Variants in POLN observed in about 807,000 individuals in gnomAD.
The protein encoded by POLN is DNA polymerase N.
A neutral mutation model predicts 113.5 loss-of-function variants in POLN; 108 were observed. The ratio of observed to expected loss-of-function variants is 0.95; its 90% CI spans 0.81 to 1.12. The LOEUF (loss-of-function observed/expected upper bound fraction) is 1.12. Among genes scored for constraint, POLN ranks in the 50% most tolerant of loss-of-function variants. The probability of loss-of-function intolerance (pLI) is 0.00; values close to 1 mark genes in which losing one functional copy is unlikely to be tolerated. For missense variants in POLN, 1,097 were observed against 1,077.1 expected, an observed-to-expected ratio of 1.02 and a Z score of -0.26; for synonymous variants, 386 against 391.5, an observed-to-expected ratio of 0.99 and a Z score of 0.17.
At chr4:2,195,244 C>T (rs1168182710) in intron 6 of POLN, among the ~76,000 whole-genome samples, 1 of 151,882 alleles carries the variant, frequency 6.6e-6, no homozygotes, top group Admixed American at 6.6e-5. Flanking sequence ...ATTTGATTGT[C>T]CTAGAACTTA....
At chr4:2,189,101 A>G (rs974921057) in intron 7 of POLN, among the ~76,000 whole-genome samples, 1 of 152,258 alleles carries the variant, frequency 6.6e-6, no homozygotes, top group Non-Finnish European at 1.5e-5. Flanking sequence ...ACAAAAAGCT[A>G]CAAATTAAAA....
intron 3 of POLN, among the ~76,000 whole-genome samples, chr4:2,215,384 A>C (rs6848713): frequency 0.17 from 26,221 of 152,072 alleles, 3,903 homozygotes; most frequent in African/African-American, 0.39. Context: ...TCTGTGATGA[A>C]GGTTTGCATT....
At chr4:2,115,297 A>G (rs376610748) in intron 19 of POLN, among the ~76,000 whole-genome samples, 2 of 149,804 alleles carry the variant, frequency 1.3e-5, no homozygotes, top group East Asian at 3.9e-4. Context: ...CGAACTCCTA[A>G]CCTCAAGTGA....
chr4:2,138,027 C>T (rs1034561551), intron 16 of POLN, among the ~76,000 whole-genome samples: 7 of 152,090 alleles, frequency 4.6e-5, no homozygotes, highest in African/African-American at 1.7e-4. Context: ...TTGGTACAGA[C>T]AAGGTTTCAT....
At chr4:2,200,407 A>G (rs886264507) in intron 5 of POLN, among the ~76,000 whole-genome samples, 16 of 152,230 alleles carry the variant, frequency 1.1e-4, no homozygotes, top group Admixed American at 4.6e-4. Context: ...AATGACTACA[A>G]GAATAAATCA....
intron 2 of POLN, chr4:2,236,256 C>T (rs996048811): frequency 3.1e-6 from 5 of 1,611,512 alleles, no homozygotes; most frequent in Non-Finnish European, 3.4e-6. Flanking sequence ...CTGATTTCCT[C>T]CTTGATACAA....
chr4:2,089,811 T>A (rs1283588746), intron 20 of POLN: 1 of 818,640 alleles, frequency 1.2e-6, no homozygotes, highest in Admixed American at 2.3e-5. Flanking sequence ...CACATTCAGA[T>A]GGATGAAGTC....
intron 16 of POLN, among the ~76,000 whole-genome samples, chr4:2,153,350 G>A (rs1355194161): frequency 3.9e-5 from 6 of 152,184 alleles, no homozygotes; most frequent in Non-Finnish European, 5.9e-5. Context: ...CACTGGGATT[G>A]AGGGTGGAGG....
chr4:2,108,770 T>C (rs1731127235), intron 19 of POLN, among the ~76,000 whole-genome samples: 1 of 152,120 alleles, frequency 6.6e-6, no homozygotes. Context: ...CCCCAGACAG[T>C]GCCAGAAGTT....
intron 3 of POLN, among the ~76,000 whole-genome samples, chr4:2,219,732 T>C (rs932885504): frequency 2.0e-5 from 3 of 152,176 alleles, no homozygotes; most frequent in Admixed American, 6.5e-5. Context: ...CATTCTAGCA[T>C]GTCCACCTCT....
chr4:2,230,752 A>T lies in POLN; in HGVS notation c.-12-1509T>A, dbSNP rs138874621. ...TACGAACAGGTGAGGAATATTCTTA[A>T]AGGTATTCCTACAAAGCTCACATGG... On this transcript the variant is annotated intron_variant, in intron 2 of 25. Transcript: ENST00000511885. The T allele has an allele frequency of 2.1e-3, 313 of 152,198 alleles. 1 individual carries two copies. Among genetic ancestry groups the T allele is most frequent in the African/African-American group, 7.2e-3 (298 of 41,520 alleles). The allele number at this position is 152,198 out of a possible 1,614,324, so 9.4% of individuals were successfully genotyped here. A position where few individuals can be genotyped will look rare whatever the true frequency, so the allele number is the denominator to read the frequency against.
At chr4:2,079,447 G>A (rs561110594) in intron 23 of POLN, 19 of 985,544 alleles carry the variant, frequency 1.9e-5, no homozygotes, top group African/African-American at 5.2e-5. Context: ...GTGTATATGC[G>A]TATATGTGTG....
intron 2 of POLN, chr4:2,236,418 T>TC (rs747137097): frequency 6.2e-7 from 1 of 1,613,224 alleles, no homozygotes; most frequent in South Asian, 1.1e-5. Flanking sequence ...TAGAAACAAT[T>TC]CTTTTTTCTT....
At chr4:2,112,340 T>A (rs1027799836) in intron 19 of POLN, among the ~76,000 whole-genome samples, 9 of 152,140 alleles carry the variant, frequency 5.9e-5, no homozygotes, top group African/African-American at 2.2e-4. Context: ...GGACTTCATG[T>A]CTAAAACACC....
rs1189506042 is a variant in POLN, at chr4:2,072,256, T to C, written c.2561A>G (p.His854Arg). The change falls in exon 26 of 26, where the codon CAC becomes CGC. Residue 854 changes from histidine to arginine, a missense_variant. By Grantham distance (29) the His-to-Arg change is conservative. Transcript: ENST00000511885. Reference protein sequence around the residue: ...VSLSAGRSWGHLVPLQEAWGP... With the variant: ...VSLSAGRSWGRLVPLQEAWGP... ...CCAGGCCTCCTGCAGTGGCACCAGG[T>C]GTCCCCATGAGCGGCCGGCACTCAG... The C allele has an allele frequency of 1.3e-6, 2 of 1,597,560 alleles. No individual in the cohort carries two copies. Among genetic ancestry groups the C allele is most frequent in the African/African-American group, 1.4e-5 (1 of 73,954 alleles).
intron 21 of POLN, chr4:2,082,805 T>C (rs1730453531): frequency 6.6e-6 from 1 of 152,458 alleles, no homozygotes; most frequent in East Asian, 1.9e-4. Context: ...TTTGGCCGGA[T>C]GCTGGGCACT....
intron 5 of POLN, among the ~76,000 whole-genome samples, chr4:2,200,989 C>T (rs1428586076): frequency 1.3e-5 from 2 of 151,902 alleles, no homozygotes; most frequent in Admixed American, 6.6e-5. Context: ...GAGGGGAGGC[C>T]GGGCACTGTG....
chr4:2,097,113 A>G (rs1730814401), intron 19 of POLN, among the ~76,000 whole-genome samples: 1 of 152,216 alleles, frequency 6.6e-6, no homozygotes, highest in Non-Finnish European at 1.5e-5. Flanking sequence ...CAATGTTTCC[A>G]AGCAACGTCT....
chr4:2,073,012 T>C lies in POLN; in HGVS notation c.2473A>G (p.Met825Val), dbSNP rs1730188657. 2 of 1,613,512 alleles carry C rather than the reference T, an allele frequency of 1.2e-6. No homozygotes were observed. The highest frequency in any genetic ancestry group is 1.7e-6 in the Non-Finnish European group (2 of 1,179,916). The change falls in exon 25 of 26, where the codon ATG becomes GTG. Residue 825 changes from methionine to valine, a missense_variant. Physicochemically the swap from Met to Val is conservative, Grantham distance 21. Coordinates refer to ENST00000511885, the MANE Select transcript of POLN (RefSeq NM_181808.4). ...PECAALVRRT[M>V]ESLEQVQALE... is the part of the protein sequence containing the mutation. ...GCCTGCACCTGTTCCAAGGACTCCA[T>C]GGTCCTCCTGACGAGAGCTAGAGTG...
Sources: allele counts gnomAD v4.1 joint callset (sites outside exome capture counted in the v4.1 genomes callset), GRCh38; gene constraint gnomAD v4.1.1; transcripts MANE v1.5; gene names NCBI Gene and HGNC (gene_info 2026-07-23, HGNC 2026-07-21).